GAB4: variants seen among roughly 807,000 people sequenced by gnomAD.
GAB4 encodes the protein GRB2-associated-binding protein 4.
GAB4 carries 26 observed loss-of-function variants against 51.3 expected under a neutral mutation model. That is an observed-to-expected ratio of 0.51 (90% CI 0.37 to 0.70). GAB4 has a LOEUF of 0.70. GAB4 is among the 30% of genes least tolerant of loss of function. The pLI is 0.00. For missense variants in GAB4, 759 were observed against 734.6 expected (o/e 1.03, Z -0.38); for synonymous variants, 329 against 291.2 (o/e 1.13, Z -1.32).
rs746725012 is a variant in GAB4 at position 16,962,760 on chromosome 22, T to C, written c.1698A>G (p.Ser566=). 24 of 1,612,972 alleles carry C rather than the reference T, an allele frequency of 1.5e-5. No homozygotes were observed. Among genetic ancestry groups the C allele is most frequent in the Non-Finnish European group, 1.9e-5 (23 of 1,179,850 alleles). The change falls in exon 10 of 10, where the codon TCA becomes TCG. Residue 566 remains serine (S), a synonymous_variant. Coordinates refer to ENST00000400588, the MANE Select transcript of GAB4 (RefSeq NM_001037814.1). The part of the protein sequence containing the change: ...MHEQMCLRQS[S]EPPRGAKL ...ACAGCTTGGCGCCCCTGGGAGGCTC[T>C]GAGGACTGCCGCAGGCACATCTGTT...
rs755496105 is a variant in GAB4, at chr22:16,966,334, T to C, written c.1054A>G (p.Ser352Gly). The C allele has an allele frequency of 1.2e-6, 2 of 1,613,348 alleles. No homozygotes were observed. Among genetic ancestry groups the C allele is most frequent in the Admixed American group, 1.7e-5 (1 of 60,018 alleles). Residue 352 changes from serine to glycine, a missense_variant, in exon 6 of 10, where the codon AGC becomes GGC. By Grantham distance (56) the Ser-to-Gly change is moderately conservative. Around this residue, in one of 3 missense-constraint regions of GAB4, gnomAD observed 588 missense variants for 510.2 expected, o/e 1.15. Coordinates refer to ENST00000400588, the MANE Select transcript of GAB4 (RefSeq NM_001037814.1). ...PGRTLVGLSD[S>G]IASEGSCVPM... ...ACACAGCTGCCCTCAGAAGCAATGC[T>C]GTCTGACAGGCCCACAAGCGTTCTT...
intron 1 of GAB4, among the ~76,000 whole-genome samples, chr22:16,999,143 T>C (rs1292798575): frequency 6.6e-6 from 1 of 152,246 alleles, no homozygotes; most frequent in Non-Finnish European, 1.5e-5. Context: ...AACAGGATGA[T>C]GTTGGCTTCA....
At chr22:16,969,084 G>A (rs903530269) in intron 4 of GAB4, among the ~76,000 whole-genome samples, 6 of 152,222 alleles carry the variant, frequency 3.9e-5, no homozygotes, top group Non-Finnish European at 7.3e-5. Context: ...TCATTGAGGA[G>A]AGGAGGTTAT....
At chr22:17,000,087 T>C (rs2123721739) in intron 1 of GAB4, among the ~76,000 whole-genome samples, 1 of 149,304 alleles carries the variant, frequency 6.7e-6, no homozygotes, top group Middle Eastern at 3.4e-3. Context: ...GGAATAAGTG[T>C]GATGTGGTGC....
In GAB4 at chr22:16,966,068, A is replaced by G. The variant is rs755226982; in HGVS notation, c.1288+32T>C. 1.9e-5 allele frequency: 31 copies of G among 1,607,414 alleles called. No homozygotes were observed. The Middle Eastern group carries it at 1.1e-3, about 57-fold the overall frequency. On this transcript the variant is annotated intron_variant, in intron 6 of 9. Coordinates refer to ENST00000400588, the MANE Select transcript of GAB4 (RefSeq NM_001037814.1). ...CTAAGCGAATGCAGAGTCCCTGGACATTGTCAAGAAATAGAATGGGGAAAG... is the reference window on the plus strand; with the variant it reads ...CTAAGCGAATGCAGAGTCCCTGGACGTTGTCAAGAAATAGAATGGGGAAAG...
chr22:16,969,903 T>C (rs2060714792), intron 4 of GAB4, 40 bp downstream of exon 4: 1 of 1,612,906 alleles, frequency 6.2e-7, no homozygotes, highest in Non-Finnish European at 8.5e-7. Context: ...CCCAAACTCC[T>C]GGAACAGGGT....
chr22:16,977,992 A>AGGCAC (rs2060793536), intron 3 of GAB4, among the ~76,000 whole-genome samples: 2 of 151,574 alleles, frequency 1.3e-5, no homozygotes, highest in Admixed American at 1.3e-4. Flanking sequence ...ATGAGAACAA[A>AGGCAC]GACACAATGT....
At chr22:16,998,828 C>G (rs890114819) in intron 1 of GAB4, among the ~76,000 whole-genome samples, 12 of 151,356 alleles carry the variant, frequency 7.9e-5, no homozygotes, top group African/African-American at 2.9e-4. Context: ...CCATCTAGTT[C>G]ATTGAGAGTT....
At position 16,976,336 on chromosome 22, in the gene GAB4, G is replaced by A. The variant is rs142404034; in HGVS notation, c.687-6143C>T. ...AGAGAAGAACATAAATGACCTAATGGAGCTGAAAAACACAGCATGAGAACT... is the reference window on the plus strand; with the variant it reads ...AGAGAAGAACATAAATGACCTAATGAAGCTGAAAAACACAGCATGAGAACT... On this transcript the variant is annotated intron_variant, in intron 3 of 9. Transcript: ENST00000400588. Among the ~76,000 whole-genome samples, 27 of 152,274 alleles carry A rather than the reference G, an allele frequency of 1.8e-4. No individual in the cohort carries two copies. In the East Asian group the frequency reaches 5.2e-3, roughly 29 times the overall value.
At chr22:16,962,975 G>T (rs533867448) in intron 9 of GAB4, 99 bp from the exon 10 acceptor site, 1 of 1,194,384 alleles carries the variant, frequency 8.4e-7, no homozygotes, top group Non-Finnish European at 1.2e-6. Context: ...TTCTCAGGGG[G>T]AAGGAACCTC....
intron 1 of GAB4, 51 bp from the exon 2 acceptor site, chr22:16,992,227 T>C: frequency 6.6e-7 from 1 of 1,516,346 alleles, no homozygotes; most frequent in Non-Finnish European, 9.0e-7. Context: ...TTACAAAGCT[T>C]TTAACAGGTC....
chr22:16,993,411 T>C (rs1400662430), intron 1 of GAB4, among the ~76,000 whole-genome samples: 2 of 152,200 alleles, frequency 1.3e-5, no homozygotes, highest in East Asian at 3.8e-4. Context: ...ATTGGGTTAT[T>C]ATCACAACTC....
At chr22:16,998,295 T>C (rs2060967083) in intron 1 of GAB4, among the ~76,000 whole-genome samples, 2 of 152,334 alleles carry the variant, frequency 1.3e-5, no homozygotes, top group Middle Eastern at 3.4e-3. Context: ...TGTTCTTCCA[T>C]TTGTTTGTGT....
chr22:16,981,667 C>T (rs940121232), intron 3 of GAB4, among the ~76,000 whole-genome samples: 2 of 152,162 alleles, frequency 1.3e-5, no homozygotes, highest in African/African-American at 4.8e-5. Context: ...CCGATGGCTT[C>T]CCCGCTGATT....
At chr22:16,965,338 C>T (rs982252503) in intron 6 of GAB4, 70 bp from the exon 7 acceptor site, 2 of 1,258,946 alleles carry the variant, frequency 1.6e-6, no homozygotes, top group African/African-American at 2.9e-5. Flanking sequence ...TGCTACAAGG[C>T]CCAGGTGTGC....
rs1360176118 is a variant in GAB4 at position 16,968,281 on chromosome 22, G to A, written c.1023+17C>T. The A allele has an allele frequency of 1.9e-6, 3 of 1,599,268 alleles. No individual in the cohort carries two copies. In the Admixed American group the frequency reaches 5.0e-5, roughly 27 times the overall value. On this transcript the variant is annotated intron_variant, in intron 5 of 9. Transcript: ENST00000400588. ...TCCCTGAGCCAGTCTGGGGACCCCT[G>A]GTTAAGCCATACTCACCAGGAAAGA...
chr22:16,963,331 G>A (rs1423974234), intron 9 of GAB4, among the ~76,000 whole-genome samples: 1 of 152,174 alleles, frequency 6.6e-6, no homozygotes, highest in Non-Finnish European at 1.5e-5. Context: ...GGCTTTCCTG[G>A]ACCCAGGAGT....
At chr22:17,001,724 G>A (rs956859944) in intron 1 of GAB4, among the ~76,000 whole-genome samples, 1 of 152,158 alleles carries the variant, frequency 6.6e-6, no homozygotes, top group African/African-American at 2.4e-5. Context: ...GAGGCGCTCT[G>A]ATTTTCAGAA....
At chr22:17,001,398 A>G (rs1295592510) in intron 1 of GAB4, among the ~76,000 whole-genome samples, 1 of 152,052 alleles carries the variant, frequency 6.6e-6, no homozygotes, top group East Asian at 1.9e-4. Flanking sequence ...TTGATCTTCA[A>G]TCACTGATGC....
Sources: gnomAD v4.1 joint callset for allele counts (sites outside exome capture counted in the v4.1 genomes callset) on GRCh38, gnomAD v4.1.1 for gene constraint, gnomAD v4.1.1 regional missense constraint, MANE v1.5 for transcripts, NCBI Gene and HGNC (gene_info 2026-07-23, HGNC 2026-07-21) for gene names.